Variants in PIKFYVE observed in about 807,000 individuals in gnomAD.
PIKFYVE encodes the protein phosphoinositide kinase, FYVE-type zinc finger containing, also known as 1-phosphatidylinositol 3-phosphate 5-kinase.
A neutral mutation model predicts 257.9 loss-of-function variants in PIKFYVE; 122 were observed. The observed-to-expected ratio is 0.47, with a 90% confidence interval of 0.41 to 0.55. The LOEUF (loss-of-function observed/expected upper bound fraction) is 0.55. Among genes scored for constraint, PIKFYVE ranks in the 20% least tolerant of loss-of-function variants. PIKFYVE has a pLI of 0.00. For synonymous variants in PIKFYVE, 892 were observed against 868.9 expected, an observed-to-expected ratio of 1.03 and a Z score of -0.47; for missense variants, 2,160 against 2,536.6, an observed-to-expected ratio of 0.85 and a Z score of 3.19.
At chr2:208,330,156 T>C (rs909757030) in intron 22 of PIKFYVE, among the ~76,000 whole-genome samples, 1 of 152,176 alleles carries the variant, frequency 6.6e-6, no homozygotes. Context: ...ATTTTTCGGA[T>C]ACCTGTTTTT....
At chr2:208,335,446 T>G (rs1275418073) in intron 25 of PIKFYVE, 27 bp downstream of exon 25, 4 of 1,441,488 alleles carry the variant, frequency 2.8e-6, no homozygotes, top group Non-Finnish European at 3.9e-6. Flanking sequence ...TTATCATCTT[T>G]TTTTGTTTAT....
chr2:208,340,097 C>T lies in PIKFYVE; in HGVS notation c.4897C>T (p.Pro1633Ser). 1 of 1,613,922 alleles carries T rather than the reference C, an allele frequency of 6.2e-7. No individual in the cohort carries two copies. Among genetic ancestry groups the T allele is most frequent in the Non-Finnish European group, 8.5e-7 (1 of 1,179,886 alleles). ...TMKAIFANLL[P>S]GNSYNPIPFP... ...GAAAGCCATCTTTGCAAATTTGCTT[C>T]CAGGAAATAGCTATAATCCTATTCC... The change falls in exon 31 of 42, where the codon CCA becomes TCA. Residue 1633 changes from proline (P) to serine (S), a missense_variant. This residue lies in a region of PIKFYVE where 699 missense variants were observed against 855.8 expected (regional missense o/e 0.82). Coordinates refer to ENST00000264380, the MANE Select transcript of PIKFYVE (RefSeq NM_015040.4).
intron 31 of PIKFYVE, among the ~76,000 whole-genome samples, chr2:208,340,570 A>C (rs1698600893): frequency 1.3e-5 from 2 of 152,140 alleles, no homozygotes; most frequent in African/African-American, 4.8e-5. Context: ...GGTGCACTCA[A>C]ATTTGGAAAG....
At chr2:208,327,309 C>G (rs1197985796) in intron 20 of PIKFYVE, among the ~76,000 whole-genome samples, 11 of 152,090 alleles carry the variant, frequency 7.2e-5, no homozygotes, top group Admixed American at 7.2e-4. Context: ...TTTACACATA[C>G]ATGTATATAC....
chr2:208,318,408 G>A (rs1695809897), intron 16 of PIKFYVE, among the ~76,000 whole-genome samples: 1 of 152,110 alleles, frequency 6.6e-6, no homozygotes, highest in Admixed American at 6.5e-5. Flanking sequence ...AGATAACCTG[G>A]GGTATTAAGG....
At chr2:208,345,727 G>C (rs943729628) in intron 33 of PIKFYVE, among the ~76,000 whole-genome samples, 20 of 152,140 alleles carry the variant, frequency 1.3e-4, no homozygotes, top group African/African-American at 4.8e-4. Context: ...GTGATAACTA[G>C]TGTGAGAGAA....
At chr2:208,324,306 G>C (rs375892130) in intron 18 of PIKFYVE, 24 bp downstream of exon 18, 8 of 1,609,376 alleles carry the variant, frequency 5.0e-6, no homozygotes, top group Non-Finnish European at 6.8e-6. Flanking sequence ...ATTTTCTATT[G>C]TATTTTAAAA....
intron 1 of PIKFYVE, among the ~76,000 whole-genome samples, chr2:208,266,729 G>T (rs1478216400): frequency 6.6e-6 from 1 of 152,198 alleles, no homozygotes; most frequent in Non-Finnish European, 1.5e-5. Context: ...AATTAGGAGG[G>T]GAAGAGTACA....
chr2:208,326,946 G>T (rs1294192662), intron 20 of PIKFYVE, among the ~76,000 whole-genome samples: 2 of 152,010 alleles, frequency 1.3e-5, no homozygotes, highest in African/African-American at 2.4e-5. Context: ...AATTAAGGAA[G>T]GTTTATAGAT....
chr2:208,290,360 G>A (rs938584761), intron 7 of PIKFYVE, among the ~76,000 whole-genome samples: 1 of 152,136 alleles, frequency 6.6e-6, no homozygotes, highest in East Asian at 1.9e-4. Context: ...ATGCCATATA[G>A]TTGGAATTAT....
chr2:208,324,344 C>T lies in PIKFYVE; in HGVS notation c.2331+62C>T, dbSNP rs985228038. The T allele has an allele frequency of 3.0e-4, 455 of 1,530,172 alleles. 4 individuals are homozygous for T. Among genetic ancestry groups the T allele is most frequent in the Middle Eastern group, 3.4e-4 (2 of 5,886 alleles). The allele number at this position is 1,530,172 out of a possible 1,614,324, so 94.8% of individuals were successfully genotyped here. On this transcript the variant is annotated intron_variant, in intron 18 of 41. Transcript: ENST00000264380. ...ATCACAGCTTTTAAATTTATATGCA[C>T]GTATGGTAGGTATACAAGAATCTTT...
In PIKFYVE at chr2:208,320,295, GT is replaced by G; in HGVS notation, c.2128del (p.Ser710ProfsTer26). ...AACCCCAAAATTCTTCTGTTGAAGTGTTCCATTGAGTATCTCTACAGAGAAG... is the reference window on the plus strand; with the variant it reads ...AACCCCAAAATTCTTCTGTTGAAGTGTCCATTGAGTATCTCTACAGAGAAG... ...IKNPKILLLK[C>X]SIEYLYREET... On this transcript the variant is annotated frameshift_variant, in exon 17 of 42. Coordinates refer to ENST00000264380, the MANE Select transcript of PIKFYVE (RefSeq NM_015040.4). LOFTEE classifies it high-confidence loss of function. 1 of 1,612,166 alleles carries G rather than the reference GT, an allele frequency of 6.2e-7. No homozygotes were observed. Among genetic ancestry groups the G allele is most frequent in the South Asian group, 1.1e-5 (1 of 90,926 alleles).
rs774917215 is a variant in PIKFYVE at position 208,276,692 on chromosome 2, T to G, written c.323-20T>G. ...ACTAGGGACTGTTAACAAGGTTGCT[T>G]TTTTTTTAATCCAACTCAGACACAA... On this transcript the variant is annotated intron_variant, in intron 3 of 41. Transcript: ENST00000264380. 18 of 1,592,410 alleles carry G rather than the reference T, an allele frequency of 1.1e-5. No individual in the cohort carries two copies. The highest frequency in any genetic ancestry group is 1.6e-5 in the Non-Finnish European group (18 of 1,160,698).
intron 40 of PIKFYVE, 104 bp downstream of exon 40, chr2:208,354,263 C>A: frequency 7.2e-7 from 1 of 1,384,482 alleles, no homozygotes; most frequent in South Asian, 1.3e-5. Context: ...AATATTTTCA[C>A]AAACTTTCAT....
chr2:208,276,501 C>T (rs1690126992), intron 3 of PIKFYVE, among the ~76,000 whole-genome samples: 3 of 152,146 alleles, frequency 2.0e-5, no homozygotes, highest in South Asian at 2.1e-4. Flanking sequence ...AGCCTTGACT[C>T]GCTTGTAAAA....
chr2:208,281,470 T>C (rs572056386), intron 5 of PIKFYVE, among the ~76,000 whole-genome samples: 1 of 152,246 alleles, frequency 6.6e-6, no homozygotes, highest in South Asian at 2.1e-4. Flanking sequence ...TCTGTATAAA[T>C]TGGAAAAATC....
At chr2:208,323,197 T>C (rs1344861566) in intron 17 of PIKFYVE, among the ~76,000 whole-genome samples, 1 of 150,932 alleles carries the variant, frequency 6.6e-6, no homozygotes, top group Non-Finnish European at 1.5e-5. Context: ...GCCGTGCTGG[T>C]GTGCTGTACC....
intron 22 of PIKFYVE, among the ~76,000 whole-genome samples, chr2:208,330,240 G>A (rs149959720): frequency 8.5e-5 from 13 of 152,172 alleles, no homozygotes; most frequent in Admixed American, 3.9e-4. Flanking sequence ...ATCATCACTC[G>A]CCACTTATAT....
chr2:208,304,321 G>A lies in PIKFYVE; in HGVS notation c.1468+3G>A. Reference sequence around the variant, plus strand: ...AGAAGGTGACGATAATTTGGCTAGTGAGTTTAACTTTCTAACATTTTAGTT... The same window carrying A: ...AGAAGGTGACGATAATTTGGCTAGTAAGTTTAACTTTCTAACATTTTAGTT... On this transcript the variant is annotated splice_donor_region_variant and intron_variant, in intron 11 of 41. Coordinates refer to ENST00000264380, the MANE Select transcript of PIKFYVE (RefSeq NM_015040.4). 1 of 1,613,770 alleles carries A rather than the reference G, an allele frequency of 6.2e-7. No homozygotes were observed. Among genetic ancestry groups the A allele is most frequent in the Non-Finnish European group, 8.5e-7 (1 of 1,179,888 alleles).
Sources: gnomAD v4.1 joint callset for allele counts (sites outside exome capture counted in the v4.1 genomes callset) on GRCh38, gnomAD v4.1.1 for gene constraint, gnomAD v4.1.1 regional missense constraint, MANE v1.5 for transcripts, NCBI Gene and HGNC (gene_info 2026-07-23, HGNC 2026-07-21) for gene names.